KLF12: variants seen among roughly 807,000 people sequenced by gnomAD.
KLF12 encodes the protein Krueppel-like factor 12.
In KLF12, 9 loss-of-function variants were observed where a neutral mutation model predicts 37.8. The ratio of observed to expected loss-of-function variants is 0.24; its 90% CI spans 0.14 to 0.42. The LOEUF is 0.42. KLF12 is among the 10% of genes least tolerant of loss of function. The probability of loss-of-function intolerance (pLI) is 1.00; values close to 1 mark genes in which losing one functional copy is unlikely to be tolerated. For synonymous variants in KLF12, 208 were observed against 202.1 expected (o/e 1.03, Z -0.25); for missense variants, 411 against 516.0 (o/e 0.80, Z 1.97).
the KLF12 span, among the ~76,000 whole-genome samples, chr13:74,268,766 C>A: frequency 6.6e-6 from 1 of 152,182 alleles, no homozygotes; most frequent in Non-Finnish European, 1.5e-5. Flanking sequence ...CCAAACACTT[C>A]TGGCTTAGAG....
the KLF12 span, among the ~76,000 whole-genome samples, chr13:74,291,037 C>A: frequency 2.0e-5 from 3 of 152,226 alleles, no homozygotes; most frequent in East Asian, 5.8e-4. Context: ...ATTTTTTGCC[C>A]CAGTGAGCAG....
the KLF12 span, among the ~76,000 whole-genome samples, chr13:74,196,064 C>T: frequency 6.6e-6 from 1 of 152,120 alleles, no homozygotes; most frequent in African/African-American, 2.4e-5. Flanking sequence ...CTTTCATTAG[C>T]TCTTTTATGT....
intron 7 of KLF12, among the ~76,000 whole-genome samples, chr13:73,713,431 GGTT>G (rs1299556375): frequency 6.6e-6 from 1 of 152,178 alleles, no homozygotes; most frequent in African/African-American, 2.4e-5. Context: ...ACAACCATCT[GGTT>G]GTTAATAACA....
At chr13:73,817,509 T>C (rs945275855) in intron 4 of KLF12, among the ~76,000 whole-genome samples, 1 of 152,166 alleles carries the variant, frequency 6.6e-6, no homozygotes, top group Admixed American at 6.5e-5. Flanking sequence ...CAACTACAAT[T>C]ACAGTCAGCC....
At chr13:74,283,408 C>T in the KLF12 span, among the ~76,000 whole-genome samples, 1 of 152,146 alleles carries the variant, frequency 6.6e-6, no homozygotes, top group African/African-American at 2.4e-5. Flanking sequence ...TAGTAAAACA[C>T]ATACAAATGT....
chr13:74,087,934 A>G (rs960541651), intron 1 of KLF12, among the ~76,000 whole-genome samples: 2 of 152,116 alleles, frequency 1.3e-5, no homozygotes, highest in Non-Finnish European at 2.9e-5. Flanking sequence ...CCTGCACTCA[A>G]GTGCATTCTT....
chr13:74,126,772 G>T (rs143623517), intron 1 of KLF12, among the ~76,000 whole-genome samples: 1 of 152,148 alleles, frequency 6.6e-6, no homozygotes, highest in African/African-American at 2.4e-5. Context: ...AATGATGTTC[G>T]TAAGTCAAAA....
chr13:74,097,732 G>GTC (rs1876063088), intron 1 of KLF12, among the ~76,000 whole-genome samples: 1 of 151,782 alleles, frequency 6.6e-6, no homozygotes. Context: ...GTGTGTGTGT[G>GTC]TGTGTATGTT....
chr13:74,027,123 T>C (rs1423678981), intron 1 of KLF12, among the ~76,000 whole-genome samples: 1 of 152,188 alleles, frequency 6.6e-6, no homozygotes, highest in Non-Finnish European at 1.5e-5. Context: ...GGGAAAGAGA[T>C]GCAGAATTAG....
chr13:73,758,604 T>C (rs1263474014), intron 6 of KLF12, among the ~76,000 whole-genome samples: 8 of 152,144 alleles, frequency 5.3e-5, no homozygotes, highest in Non-Finnish European at 1.2e-4. Context: ...ACAATATTAA[T>C]ATGGTTCTGA....
At chr13:74,040,615 A>G (rs982477412) in intron 1 of KLF12, among the ~76,000 whole-genome samples, 53 of 152,234 alleles carry the variant, frequency 3.5e-4, no homozygotes, top group African/African-American at 1.2e-3. Flanking sequence ...AGGTTCTTGG[A>G]AAAACTCACT....
At chr13:74,295,727 T>A in the KLF12 span, among the ~76,000 whole-genome samples, 1 of 152,224 alleles carries the variant, frequency 6.6e-6, no homozygotes, top group African/African-American at 2.4e-5. Context: ...AGAAATGATA[T>A]ATAGAGAAAA....
chr13:74,026,894 G>T (rs1199629970), intron 1 of KLF12, among the ~76,000 whole-genome samples: 3 of 152,150 alleles, frequency 2.0e-5, no homozygotes, highest in Admixed American at 2.0e-4. Flanking sequence ...CAGGTGCCCT[G>T]ATACAGCTTT....
At chr13:73,802,630 C>T (rs1882341797) in intron 5 of KLF12, among the ~76,000 whole-genome samples, 1 of 152,056 alleles carries the variant, frequency 6.6e-6, no homozygotes, top group African/African-American at 2.4e-5. Context: ...CCTCCCTCCC[C>T]CTCTAGTAGT....
chr13:73,878,291 A>G (rs1430218088), intron 3 of KLF12, among the ~76,000 whole-genome samples: 2 of 152,218 alleles, frequency 1.3e-5, no homozygotes, highest in Admixed American at 1.3e-4. Flanking sequence ...AAATTATACA[A>G]AGGCTAATAA....
intron 3 of KLF12, among the ~76,000 whole-genome samples, chr13:73,934,950 ATTATTTATTTATTTATTTAT>A (rs146314583): frequency 2.1e-5 from 3 of 139,588 alleles, no homozygotes; most frequent in African/African-American, 5.4e-5. Flanking sequence ...ATAGGTTTTT[ATTATTTATTTATTTATTTAT>A]TTATTTATTT....
chr13:73,811,115 A>T (rs1335674212), intron 5 of KLF12, among the ~76,000 whole-genome samples: 2 of 148,944 alleles, frequency 1.3e-5, no homozygotes, highest in Non-Finnish European at 3.0e-5. Context: ...CCTCCCGAGT[A>T]ACTGGGATTA....
the KLF12 span, among the ~76,000 whole-genome samples, chr13:74,253,536 G>T: frequency 9.2e-5 from 14 of 152,140 alleles, no homozygotes; most frequent in South Asian, 2.9e-3. Context: ...ATAAATAAAT[G>T]AATATGTAAA....
At chr13:73,854,072 T>C (rs1594172894) in intron 3 of KLF12, among the ~76,000 whole-genome samples, 1 of 152,320 alleles carries the variant, frequency 6.6e-6, no homozygotes, top group East Asian at 1.9e-4. Context: ...GTCTTAAAAA[T>C]AAAGAGGTAA....
Sources: gnomAD v4.1 joint callset for allele counts (sites outside exome capture counted in the v4.1 genomes callset) on GRCh38, gnomAD v4.1.1 for gene constraint, MANE v1.5 for transcripts, NCBI Gene and HGNC (gene_info 2026-07-23, HGNC 2026-07-21) for gene names.